BECN1: variants seen among roughly 807,000 people sequenced by gnomAD.
The protein encoded by BECN1 is beclin 1.
In BECN1, 15 loss-of-function variants were observed where a neutral mutation model predicts 60.1. The observed-to-expected ratio is 0.25, with a 90% confidence interval of 0.17 to 0.38. The LOEUF is 0.38. Ranked by LOEUF, BECN1 falls within the 10% of genes least tolerant of loss-of-function variation. BECN1 has a pLI of 1.00. For synonymous variants in BECN1, 179 were observed against 201.8 expected (o/e 0.89, Z 0.96); for missense variants, 424 against 548.2 (o/e 0.77, Z 2.26).
rs750841748 is a variant in BECN1 at position 42,815,935 on chromosome 17, T to C, written c.803A>G (p.Asn268Ser). ...GATGTGGAAGGTTGCATTAAAGACG[T>C]TGGTTTTCTTCAGCTTATCCAGCTG... The part of the protein sequence containing the change: ...QTQLDKLKKT[N>S]VFNATFHIWH... The change falls in exon 8 of 12, where the codon AAC becomes AGC. Residue 268 changes from asparagine (N) to serine (S), a missense_variant. Asn to Ser is a conservative substitution (Grantham distance 46). This residue lies in a region of BECN1 where 326 missense variants were observed against 406.2 expected (regional missense o/e 0.80). Transcript: ENST00000590099. The C allele has an allele frequency of 6.2e-6, 10 of 1,614,040 alleles. No individual in the cohort carries two copies. Among genetic ancestry groups the C allele is most frequent in the African/African-American group, 1.3e-5 (1 of 74,904 alleles).
chr17:42,815,340 CCT>C (rs1322178737), intron 8 of BECN1, among the ~76,000 whole-genome samples: 1 of 152,024 alleles, frequency 6.6e-6, no homozygotes, highest in African/African-American at 2.4e-5. Context: ...GGAACAACCC[CCT>C]CTCTGCAGAC....
At chr17:42,817,979 G>T (rs1395510660) in intron 7 of BECN1, among the ~76,000 whole-genome samples, 3 of 152,160 alleles carry the variant, frequency 2.0e-5, no homozygotes, top group Non-Finnish European at 4.4e-5. Context: ...CAAGACTGGA[G>T]CTCTGGTTTC....
At chr17:42,812,012 T>G in intron 10 of BECN1, 1 of 526,730 alleles carries the variant, frequency 1.9e-6, no homozygotes, top group Non-Finnish European at 3.2e-6. Context: ...AATGAAAATG[T>G]ACCATAGGTT....
intron 1 of BECN1, 62 bp from the exon 2 acceptor site, chr17:42,823,941 G>A: frequency 1.3e-6 from 2 of 1,575,848 alleles, no homozygotes; most frequent in Non-Finnish European, 1.7e-6. Context: ...CCGGCCCGGG[G>A]TTACCACATG....
At chr17:42,823,091 T>C (rs567441528) in intron 2 of BECN1, among the ~76,000 whole-genome samples, 1 of 152,308 alleles carries the variant, frequency 6.6e-6, no homozygotes, top group South Asian at 2.1e-4. Context: ...GTAATGACGG[T>C]ATACCCCGTA....
At chr17:42,821,771 G>A (rs1430545138) in intron 2 of BECN1, among the ~76,000 whole-genome samples, 2 of 152,210 alleles carry the variant, frequency 1.3e-5, no homozygotes, top group Non-Finnish European at 2.9e-5. Context: ...CAGAGGATGG[G>A]AGGTGAATGG....
At chr17:42,811,075 G>C in intron 11 of BECN1, 147 bp from the exon 12 acceptor site, 2 of 834,138 alleles carry the variant, frequency 2.4e-6, no homozygotes, top group East Asian at 5.7e-5. Context: ...GGATTTGCTT[G>C]AAAGCCAAAA....
intron 5 of BECN1, 45 bp downstream of exon 5, chr17:42,818,742 T>C (rs759477013): frequency 4.3e-6 from 7 of 1,613,724 alleles, no homozygotes; most frequent in Admixed American, 3.3e-5. Flanking sequence ...TTACCCACTC[T>C]CCCAGCCAGG....
intron 2 of BECN1, among the ~76,000 whole-genome samples, chr17:42,823,534 G>C (rs1197216120): frequency 6.6e-6 from 1 of 152,198 alleles, no homozygotes; most frequent in Non-Finnish European, 1.5e-5. Flanking sequence ...GATTACAGGC[G>C]TGAGCCACCG....
chr17:42,821,030 A>T (rs1306916742), intron 2 of BECN1, among the ~76,000 whole-genome samples, 189 bp from the exon 3 acceptor site: 1 of 152,112 alleles, frequency 6.6e-6, no homozygotes. Flanking sequence ...GAAATGTTCA[A>T]TTTTTTAAGG....
intron 8 of BECN1, 127 bp from the exon 9 acceptor site, chr17:42,814,800 A>T (rs2055111243): frequency 8.4e-7 from 1 of 1,190,132 alleles, no homozygotes; most frequent in Non-Finnish European, 1.2e-6. Context: ...TGTACTTGGC[A>T]CTTTAAATAC....
chr17:42,815,867 C>T, intron 8 of BECN1, 41 bp downstream of exon 8: 1 of 1,613,594 alleles, frequency 6.2e-7, no homozygotes, highest in South Asian at 1.1e-5. Context: ...CAGCTAAGGT[C>T]TAGATATGTG....
chr17:42,822,563 GTT>G (rs1157269475), intron 2 of BECN1, among the ~76,000 whole-genome samples: 1 of 151,998 alleles, frequency 6.6e-6, no homozygotes, highest in Non-Finnish European at 1.5e-5. Flanking sequence ...GGATTTTGGG[GTT>G]TTTTATTTTT....
At chr17:42,819,002 T>A in intron 4 of BECN1, 125 bp from the exon 5 acceptor site, 1 of 1,027,274 alleles carries the variant, frequency 9.7e-7, no homozygotes, top group Non-Finnish European at 1.4e-6. Context: ...TACCCACTCC[T>A]AGCCCGACTG....
chr17:42,812,826 C>CTTTTT (rs753997510), intron 10 of BECN1: 6 of 97,166 alleles, frequency 6.2e-5, no homozygotes, highest in Admixed American at 1.1e-4. Flanking sequence ...GATACCTTTG[C>CTTTTT]TTTTTTTTTT....
intron 3 of BECN1, 67 bp downstream of exon 3, chr17:42,820,707 C>T: frequency 1.4e-6 from 2 of 1,472,936 alleles, no homozygotes; most frequent in South Asian, 2.4e-5. Flanking sequence ...TTCCTGTTTT[C>T]ATATCATATC....
At chr17:42,817,517 G>A (rs2055172066) in intron 7 of BECN1, among the ~76,000 whole-genome samples, 1 of 152,138 alleles carries the variant, frequency 6.6e-6, no homozygotes, top group African/African-American at 2.4e-5. Context: ...ACTAGAGAGA[G>A]GGTTCTCTCA....
chr17:42,819,165 G>T (rs2055209322), intron 4 of BECN1: 2 of 484,962 alleles, frequency 4.1e-6, no homozygotes, highest in Non-Finnish European at 7.3e-6. Flanking sequence ...ACCAGGAAAG[G>T]CCATTTTAGA....
At position 42,823,830 on chromosome 17, in the gene BECN1, G is replaced by A. The variant is rs1046825450; in HGVS notation, c.48C>T (p.Phe16=). The change falls in exon 2 of 12, where the codon TTC becomes TTT. Residue 16 remains phenylalanine, a synonymous_variant. Coordinates refer to ENST00000590099, the MANE Select transcript of BECN1 (RefSeq NM_001313998.2). ...GGGGCTGGCTGCAGCGCTGGCACAC[G>A]AAGCTCACCTGCATGGTGCTGTTGT... is the stretch of plus-strand genomic sequence containing the variant. ...TSNNSTMQVS[F]VCQRCSQPLK... is the part of the protein sequence containing the mutation. 1 of 1,613,984 alleles carries A rather than the reference G, an allele frequency of 6.2e-7. No individual in the cohort carries two copies. Among genetic ancestry groups the A allele is most frequent in the Non-Finnish European group, 8.5e-7 (1 of 1,180,016 alleles).
Sources: allele counts gnomAD v4.1 joint callset (sites outside exome capture counted in the v4.1 genomes callset), GRCh38; gene constraint gnomAD v4.1.1; regional missense constraint gnomAD v4.1.1; transcripts MANE v1.5; gene names NCBI Gene and HGNC (gene_info 2026-07-23, HGNC 2026-07-21).